MYO18A: variants seen among roughly 807,000 people sequenced by gnomAD.
The protein encoded by MYO18A is unconventional myosin-XVIIIa.
MYO18A carries 78 observed loss-of-function variants against 235.8 expected under a neutral mutation model. The ratio of observed to expected loss-of-function variants is 0.33; its 90% CI spans 0.28 to 0.40. The LOEUF (loss-of-function observed/expected upper bound fraction) is 0.40. Ranked by LOEUF, MYO18A falls within the 10% of genes least tolerant of loss-of-function variation. The pLI is 1.00. For missense variants in MYO18A, 2,215 were observed against 2,699.3 expected, an observed-to-expected ratio of 0.82 and a Z score of 3.98; for synonymous variants, 977 against 1,077.8, an observed-to-expected ratio of 0.91 and a Z score of 1.83.
At chr17:29,127,618 G>A (rs985761912) in intron 2 of MYO18A, among the ~76,000 whole-genome samples, 2 of 152,256 alleles carry the variant, frequency 1.3e-5, no homozygotes, top group African/African-American at 4.8e-5. Flanking sequence ...AGGCCAACAT[G>A]CTGCTTAGCA....
chr17:29,113,796 GAAGA>G (rs2066990309), intron 15 of MYO18A, among the ~76,000 whole-genome samples: 3 of 152,194 alleles, frequency 2.0e-5, no homozygotes, highest in African/African-American at 7.2e-5. Flanking sequence ...CACCAGGGCA[GAAGA>G]AAGTGCCACC....
intron 41 of MYO18A, among the ~76,000 whole-genome samples, chr17:29,081,182 C>G (rs1007328534): frequency 1.3e-5 from 2 of 152,100 alleles, no homozygotes; most frequent in Non-Finnish European, 2.9e-5. Flanking sequence ...GTGAGAGCAT[C>G]GGAGGAAATG....
At chr17:29,155,368 G>A (rs1292160024) in intron 2 of MYO18A, 1 of 152,614 alleles carries the variant, frequency 6.6e-6, no homozygotes, top group Non-Finnish European at 1.5e-5. Flanking sequence ...TTCTGCCCCA[G>A]GGCCGGGGCA....
intron 23 of MYO18A, 116 bp downstream of exon 23, chr17:29,098,710 G>T: frequency 1.5e-6 from 2 of 1,375,890 alleles, no homozygotes; most frequent in Non-Finnish European, 2.0e-6. Context: ...TATTTGATGA[G>T]CACATTTCAA....
At chr17:29,133,036 G>T (rs540461069) in intron 2 of MYO18A, among the ~76,000 whole-genome samples, 1 of 152,362 alleles carries the variant, frequency 6.6e-6, no homozygotes, top group South Asian at 2.1e-4. Context: ...TGTTAACTTG[G>T]GTGCCGGGGT....
At chr17:29,160,777 G>A (rs1275532470) in intron 2 of MYO18A, among the ~76,000 whole-genome samples, 1 of 152,160 alleles carries the variant, frequency 6.6e-6, no homozygotes, top group African/African-American at 2.4e-5. Context: ...CCTTTGACTA[G>A]AAACTCCACC....
At chr17:29,154,101 A>T (rs9906290) in intron 2 of MYO18A, among the ~76,000 whole-genome samples, 27,776 of 149,820 alleles carry the variant, frequency 0.19, 2,590 homozygotes, top group East Asian at 0.29. Context: ...AATTCTGCAG[A>T]GTGTGTGTGT....
chr17:29,127,891 C>T, intron 2 of MYO18A: 1 of 990,570 alleles, frequency 1.0e-6, no homozygotes, highest in Non-Finnish European at 1.2e-6. Flanking sequence ...TGGACTGCTG[C>T]TCTCCAGTGA....
At chr17:29,176,699 G>C (rs1030727112) in intron 1 of MYO18A, 4 of 152,234 alleles carry the variant, frequency 2.6e-5, no homozygotes, top group Non-Finnish European at 5.9e-5. Flanking sequence ...GCTCCAGGGG[G>C]AGCCTCCTCC....
At chr17:29,131,701 AC>A (rs1188109069) in intron 2 of MYO18A, among the ~76,000 whole-genome samples, 1 of 152,220 alleles carries the variant, frequency 6.6e-6, no homozygotes, top group East Asian at 1.9e-4. Flanking sequence ...CACTTTGCCC[AC>A]TTTGGGGGCT....
intron 1 of MYO18A, among the ~76,000 whole-genome samples, chr17:29,169,082 A>G (rs970098331): frequency 2.6e-5 from 4 of 151,962 alleles, no homozygotes; most frequent in Non-Finnish European, 5.9e-5. Context: ...AGGCATGAGA[A>G]TCACTTGAAC....
Position 29,103,515 on chromosome 17 carries a change from G to A in MYO18A, c.3507+84C>T. Reference sequence around the variant, plus strand: ...CAGGAGACTGGTGATGTCTGGCTGAGCAAAGAGAACAGGAGGAGTGGGCCA... The same window carrying A: ...CAGGAGACTGGTGATGTCTGGCTGAACAAAGAGAACAGGAGGAGTGGGCCA... On this transcript the variant is annotated intron_variant, in intron 21 of 41. Coordinates refer to ENST00000527372, the MANE Select transcript of MYO18A (RefSeq NM_078471.4). The A allele has an allele frequency of 1.5e-6, 2 of 1,357,888 alleles. 1 individual carries two copies. The highest frequency in any genetic ancestry group is 2.4e-5 in the South Asian group (2 of 84,814). The allele number at this position is 1,357,888 out of a possible 1,614,324, so 84.1% of individuals were successfully genotyped here. A position where few individuals can be genotyped will look rare whatever the true frequency, so the allele number is the denominator to read the frequency against.
chr17:29,089,447 T>A (rs1343586485), intron 37 of MYO18A, among the ~76,000 whole-genome samples: 4,570 of 44,476 alleles, frequency 0.1, no homozygotes, highest in Middle Eastern at 0.2. Flanking sequence ...AAAAAAAAAA[T>A]GAAGGGAGAA....
intron 21 of MYO18A, among the ~76,000 whole-genome samples, chr17:29,102,952 G>A (rs756785094): frequency 1.3e-5 from 2 of 152,128 alleles, no homozygotes; most frequent in Admixed American, 1.3e-4. Flanking sequence ...ACATGCGGGT[G>A]CCACCTGTCC....
At position 29,107,196 on chromosome 17, in the gene MYO18A, A is replaced by G; in HGVS notation, c.3332-7T>C. 6.2e-7 allele frequency: 1 copy of G among 1,613,646 alleles called. No homozygotes were observed. Among genetic ancestry groups the G allele is most frequent in the South Asian group, 1.1e-5 (1 of 91,080 alleles). On this transcript the variant is annotated splice_region_variant and splice_polypyrimidine_tract_variant and intron_variant, in intron 19 of 41. Transcript: ENST00000527372. ...ACCATGTGGTCAGGGTAACCTAGAG[A>G]GAGCAGCCCAGAGCCAGGCCTGTCA...
intron 2 of MYO18A, among the ~76,000 whole-genome samples, chr17:29,137,927 A>C (rs1038220891): frequency 2.1e-5 from 3 of 139,950 alleles, no homozygotes; most frequent in Non-Finnish European, 4.8e-5. Context: ...CTAAATAGTC[A>C]AAAAAAAAGC....
rs1428213125 is a variant in MYO18A, at chr17:29,126,311, G to A, written c.1000-4058C>T. On this transcript the variant is annotated intron_variant, in intron 2 of 41. Coordinates refer to ENST00000527372, the MANE Select transcript of MYO18A (RefSeq NM_078471.4). The surrounding 1 kb of genome is among the most constrained non-coding windows in gnomAD (Gnocchi z 4.1). ...CCTCCCTTGTGAGAGGAGGAGGGAC[G>A]GGGAGGAGGGACGGGGAGGAGGGAG... Among the ~76,000 whole-genome samples, 1 of 28,640 alleles carries A rather than the reference G, an allele frequency of 3.5e-5. No individual in the cohort carries two copies. The highest frequency in any genetic ancestry group is 3.1e-4 in the African/African-American group (1 of 3,194). The allele number at this position is 28,640 out of a possible 152,430, so 18.8% of individuals were successfully genotyped here. A position where few individuals can be genotyped will look rare whatever the true frequency, so the allele number is the denominator to read the frequency against.
chr17:29,086,391 A>T (rs775630295), intron 39 of MYO18A, 47 bp downstream of exon 39: 20 of 1,556,030 alleles, frequency 1.3e-5, no homozygotes, highest in Non-Finnish European at 1.7e-5. Context: ...GAGGTGGTCA[A>T]GAGGGCCTCC....
chr17:29,166,038 G>A lies in MYO18A; in HGVS notation c.903C>T (p.Asp301=), dbSNP rs768004077. 4 of 1,613,764 alleles carry A rather than the reference G, an allele frequency of 2.5e-6. No individual in the cohort carries two copies. Among genetic ancestry groups the A allele is most frequent in the Non-Finnish European group, 3.4e-6 (4 of 1,179,896 alleles). The change falls in exon 2 of 42, where the codon GAC becomes GAT. Residue 301 remains aspartate, a synonymous_variant. Coordinates refer to ENST00000527372, the MANE Select transcript of MYO18A (RefSeq NM_078471.4). The stretch of plus-strand genomic sequence containing the variant: ...TGGGCTGCACCTTGAGCCGCACGCT[G>A]TCCCCTGACTGCCGGATCATCTCCA... ...EIVEMIRQSG[D]SVRLKVQPIP...
Sources: gnomAD v4.1 joint callset for allele counts (sites outside exome capture counted in the v4.1 genomes callset) on GRCh38, gnomAD v4.1.1 for gene constraint, Gnocchi (gnomAD v3.1) non-coding constraint, MANE v1.5 for transcripts, NCBI Gene and HGNC (gene_info 2026-07-23, HGNC 2026-07-21) for gene names.